Variants in NAT9 observed in about 807,000 individuals in gnomAD.
The protein encoded by NAT9 is alpha/beta-tubulin-N-acetyltransferase 9.
Under a neutral mutation model 24.0 loss-of-function variants are expected in NAT9, and 18 were observed. That is an observed-to-expected ratio of 0.75 (90% CI 0.52 to 1.11). The LOEUF is 1.11. Ranked by LOEUF, NAT9 falls within the 50% of genes most tolerant of loss-of-function variation. The pLI is 0.00. For synonymous variants in NAT9, 104 were observed against 102.3 expected (o/e 1.02, Z -0.10); for missense variants, 254 against 258.6 (o/e 0.98, Z 0.12).
At chr17:74,775,488 C>T (rs1326925066) in intron 2 of NAT9, 134 bp downstream of exon 2, 1 of 738,652 alleles carries the variant, frequency 1.4e-6, no homozygotes, top group Non-Finnish European at 2.0e-6. Flanking sequence ...GGCACCCAGC[C>T]TTTTTTCCCC....
chr17:74,773,077 CAGAGG>C (rs773939409), intron 3 of NAT9, 38 bp from the exon 4 acceptor site: 16 of 1,607,152 alleles, frequency 1.0e-5, no homozygotes, highest in African/African-American at 1.3e-5. Context: ...ACACACTCCC[CAGAGG>C]AGAGAAGAGA....
In NAT9 at chr17:74,773,699, G is replaced by A. The variant is rs1292916350; in HGVS notation, c.78-11C>T. The A allele has an allele frequency of 6.2e-7, 1 of 1,612,952 alleles. No individual in the cohort carries two copies. Among genetic ancestry groups the A allele is most frequent in the African/African-American group, 1.3e-5 (1 of 75,032 alleles). ...CACTCGTGGTACCTGCTGGGACAGAGGGGTGGCTTTAGACATGGAGGACTC... is the reference window on the plus strand; with the variant it reads ...CACTCGTGGTACCTGCTGGGACAGAAGGGTGGCTTTAGACATGGAGGACTC... On this transcript the variant is annotated splice_polypyrimidine_tract_variant and intron_variant, in intron 2 of 6. Transcript: ENST00000357814.
intron 2 of NAT9, 81 bp downstream of exon 2, chr17:74,775,541 G>A (rs2035925454): frequency 3.4e-6 from 4 of 1,178,744 alleles, no homozygotes; most frequent in African/African-American, 1.6e-5. Flanking sequence ...TTCTTCTTAG[G>A]GGAAATAGCC....
In NAT9 at chr17:74,771,371, C is replaced by T. The variant is rs544564383; in HGVS notation, c.*353G>A. The stretch of plus-strand genomic sequence containing the variant: ...CCAGCCAGGGCAGCACCTCTGGCCT[C>T]TAAGGAGAAAGGCCTGTCCACTCCC... On this transcript the variant is annotated 3_prime_UTR_variant, in exon 7 of 7. Transcript: ENST00000357814. The T allele has an allele frequency of 3.1e-6, 1 of 326,408 alleles. No homozygotes were observed. The highest frequency in any genetic ancestry group is 2.1e-5 in the African/African-American group (1 of 48,384). 20.2% of individuals were successfully genotyped at this position (326,408 alleles called of 1,614,324 possible). A position where few individuals can be genotyped will look rare whatever the true frequency, so the allele number is the denominator to read the frequency against.
At chr17:74,775,412 C>T in intron 2 of NAT9, 1 of 458,390 alleles carries the variant, frequency 2.2e-6, no homozygotes, top group East Asian at 3.4e-5. Context: ...TGGTCTCGAA[C>T]TGCTGGGCTC....
intron 4 of NAT9, 129 bp from the exon 5 acceptor site, chr17:74,772,406 G>A (rs2035350728): frequency 6.9e-7 from 1 of 1,442,958 alleles, no homozygotes; most frequent in East Asian, 2.5e-5. Context: ...CTGCAGACGA[G>A]GAAACAGGCA....
At chr17:74,775,840 A>T in intron 1 of NAT9, 133 bp from the exon 2 acceptor site, 1 of 594,586 alleles carries the variant, frequency 1.7e-6, no homozygotes, top group Admixed American at 3.0e-5. Context: ...CAAAGAATAC[A>T]GACTCCAAAA....
At position 74,772,211 on chromosome 17, in the gene NAT9, T is replaced by G. The variant is rs2144169418; in HGVS notation, c.394+7A>C. 10 of 1,614,216 alleles carry G rather than the reference T, an allele frequency of 6.2e-6. No individual in the cohort carries two copies. Among genetic ancestry groups the G allele is most frequent in the Non-Finnish European group, 8.5e-6 (10 of 1,180,044 alleles). On this transcript the variant is annotated splice_region_variant and intron_variant, in intron 5 of 6. Transcript: ENST00000357814. The stretch of plus-strand genomic sequence containing the variant: ...ACTTCCCGCATTGTCTGCTCACACT[T>G]TCTTACCGTAAGACAGCATCGCGAG...
chr17:74,773,037 A>G lies in NAT9; in HGVS notation c.193T>C (p.Cys65Arg), dbSNP rs1196826960. The G allele has an allele frequency of 2.5e-6, 4 of 1,613,368 alleles. No individual in the cohort carries two copies. The highest frequency in any genetic ancestry group is 1.3e-5 in the African/African-American group (1 of 74,836). ...TCGGCATCCAGCACAATGAAGGTAC[A>G]CTCTGAGGAGGAGGTGACAGGGCTA... The part of the protein sequence containing the change: ...QCSWQEDADK[C>R]TFIVLDAEKW... The change falls in exon 4 of 7, where the codon TGT becomes CGT. Residue 65 changes from cysteine (C) to arginine (R), a missense_variant and splice_region_variant. Coordinates refer to ENST00000357814, the MANE Select transcript of NAT9 (RefSeq NM_015654.5).
In NAT9 at chr17:74,773,884, G is replaced by A. The variant is rs143582455; in HGVS notation, c.78-196C>T. 472 of 552,220 alleles carry A rather than the reference G, an allele frequency of 8.5e-4. 3 individuals are homozygous for A. The highest frequency in any genetic ancestry group is 7.8e-3 in the African/African-American group (412 of 52,900). 34.2% of individuals were successfully genotyped at this position (552,220 alleles called of 1,614,324 possible). A position where few individuals can be genotyped will look rare whatever the true frequency, so the allele number is the denominator to read the frequency against. The stretch of plus-strand genomic sequence containing the variant: ...GTCTTACACAAGAACAGCAGGACGA[G>A]TCAGTTCTATCTGTCCAATTTCCTA... On this transcript the variant is annotated intron_variant, in intron 2 of 6. Coordinates refer to ENST00000357814, the MANE Select transcript of NAT9 (RefSeq NM_015654.5).
intron 2 of NAT9, chr17:74,775,355 T>G: frequency 6.2e-6 from 2 of 322,230 alleles, no homozygotes; most frequent in East Asian, 5.8e-5. Flanking sequence ...GCCTGGCTAA[T>G]TTTTGTATTT....
chr17:74,772,615 G>A, intron 4 of NAT9: 1 of 1,376,106 alleles, frequency 7.3e-7, no homozygotes, highest in East Asian at 2.7e-5. Context: ...CTTTTTCTGA[G>A]GGTCCCCAGC....
At chr17:74,775,456 TG>T in intron 2 of NAT9, 165 bp downstream of exon 2, 1 of 553,154 alleles carries the variant, frequency 1.8e-6, no homozygotes, top group African/African-American at 1.9e-5. Flanking sequence ...CCCAAAGTCC[TG>T]GAATTACAGG....
intron 2 of NAT9, among the ~76,000 whole-genome samples, chr17:74,774,700 C>T (rs998370264): frequency 2.0e-5 from 3 of 151,142 alleles, no homozygotes; most frequent in African/African-American, 7.3e-5. Context: ...CAGGCGCCCG[C>T]CACCACATCC....
chr17:74,775,496 C>G, intron 2 of NAT9, 126 bp downstream of exon 2: 3 of 770,330 alleles, frequency 3.9e-6, no homozygotes, highest in Non-Finnish European at 5.8e-6. Flanking sequence ...GCCTTTTTTC[C>G]CCCCTCATAT....
At chr17:74,773,061 TATCACACACACTCCCC>T in intron 3 of NAT9, 22 bp from the exon 4 acceptor site, 1 of 1,612,194 alleles carries the variant, frequency 6.2e-7, no homozygotes, top group Non-Finnish European at 8.5e-7. Context: ...GTGACAGGGC[TATCACACACACTCCCC>T]AGAGGAGAGA....
Position 74,771,037 on chromosome 17 carries a change from C to T in NAT9, c.*687G>A, listed in dbSNP as rs1397248244. 1 of 153,360 alleles carries T rather than the reference C, an allele frequency of 6.5e-6. No homozygotes were observed. The highest frequency in any genetic ancestry group is 1.5e-5 in the Non-Finnish European group (1 of 68,904). 9.5% of individuals were successfully genotyped at this position (153,360 alleles called of 1,614,324 possible). ...CAAGGGGCCTCTGCTTCCTCAGTGC[C>T]CCCTGAGCTTTATCAGCAGAGGGGT... On this transcript the variant is annotated 3_prime_UTR_variant, in exon 7 of 7. Coordinates refer to ENST00000357814, the MANE Select transcript of NAT9 (RefSeq NM_015654.5).
chr17:74,775,390 C>T, intron 2 of NAT9: 2 of 427,354 alleles, frequency 4.7e-6, no homozygotes, highest in East Asian at 3.7e-5. Context: ...GGTCTCGCTA[C>T]GTTACCCAAG....
chr17:74,771,947 A>G lies in NAT9; in HGVS notation c.489+13T>C, dbSNP rs770133313. ...CCAGGTCTAAGCCCCACTCTGCCCCAGGACATCCTTACCTGCTCAAAGTGA... is the reference window on the plus strand; with the variant it reads ...CCAGGTCTAAGCCCCACTCTGCCCCGGGACATCCTTACCTGCTCAAAGTGA... On this transcript the variant is annotated intron_variant, in intron 6 of 6. Coordinates refer to ENST00000357814, the MANE Select transcript of NAT9 (RefSeq NM_015654.5). 2 of 1,614,232 alleles carry G rather than the reference A, an allele frequency of 1.2e-6. No homozygotes were observed. The highest frequency in any genetic ancestry group is 8.5e-7 in the Non-Finnish European group (1 of 1,180,016).
Sources: gnomAD v4.1 joint callset for allele counts (sites outside exome capture counted in the v4.1 genomes callset) on GRCh38, gnomAD v4.1.1 for gene constraint, MANE v1.5 for transcripts, NCBI Gene and HGNC (gene_info 2026-07-23, HGNC 2026-07-21) for gene names.